Variants in USO1 observed in about 807,000 individuals in gnomAD.
The protein encoded by USO1 is general vesicular transport factor p115.
Under a neutral mutation model 124.5 loss-of-function variants are expected in USO1, and 57 were observed. The observed-to-expected ratio is 0.46, with a 90% CI of 0.37 to 0.57. USO1 has a LOEUF of 0.57. Among genes scored for constraint, USO1 ranks in the 20% least tolerant of loss-of-function variants. USO1 has a pLI of 0.00. For synonymous variants in USO1, 369 were observed against 362.8 expected (o/e 1.02, Z -0.19); for missense variants, 900 against 1,040.6 (o/e 0.86, Z 1.86).
intron 13 of USO1, among the ~76,000 whole-genome samples, chr4:75,794,186 T>C (rs993415888): frequency 1.3e-5 from 2 of 152,238 alleles, no homozygotes; most frequent in Non-Finnish European, 2.9e-5. Flanking sequence ...ACAGTGTTCT[T>C]GCATGTCATT....
intron 1 of USO1, among the ~76,000 whole-genome samples, chr4:75,733,334 G>T (rs1213897481): frequency 6.6e-6 from 1 of 152,184 alleles, no homozygotes; most frequent in African/African-American, 2.4e-5. Context: ...ATACAGTAGT[G>T]AGACTGCTGG....
rs1722384778 is a variant in USO1 at position 75,787,125 on chromosome 4, A to G, written c.919A>G (p.Met307Val). The G allele has an allele frequency of 3.1e-6, 5 of 1,607,898 alleles. No homozygotes were observed. Among genetic ancestry groups the G allele is most frequent in the African/African-American group, 1.3e-5 (1 of 74,330 alleles). The change falls in exon 10 of 24, where the codon ATG becomes GTG. Residue 307 changes from methionine to valine, a missense_variant. By Grantham distance (21) the Met-to-Val change is conservative (BLOSUM62 1). Around this residue, in one of 2 missense-constraint regions of USO1, gnomAD observed 538 missense variants for 681.6 expected, o/e 0.79. Coordinates refer to ENST00000514213, the MANE Select transcript of USO1 (RefSeq NM_003715.4). ...PGATSSCQKA[M>V]FQCGLLQQLC... ...TGCTACCAGTAGCTGCCAGAAGGCT[A>G]TGTTCCAGTGTGGGTTATTGCAGCA...
chr4:75,752,696 T>G (rs1359451681), intron 3 of USO1, 92 bp downstream of exon 3: 1 of 393,274 alleles, frequency 2.5e-6, no homozygotes, highest in Non-Finnish European at 4.5e-6. Flanking sequence ...GCTTTTTTTT[T>G]GGTATTTTTT....
intron 21 of USO1, among the ~76,000 whole-genome samples, chr4:75,810,141 T>C (rs1026220693): frequency 6.6e-6 from 1 of 152,222 alleles, no homozygotes; most frequent in African/African-American, 2.4e-5. Flanking sequence ...TATTAAATGC[T>C]GGGTTACAGT....
intron 3 of USO1, among the ~76,000 whole-genome samples, chr4:75,753,253 G>A (rs1277062064): frequency 1.3e-5 from 2 of 151,120 alleles, no homozygotes; most frequent in Admixed American, 6.6e-5. Context: ...TAAAAATTAG[G>A]CCAGGCATGG....
chr4:75,802,131 T>A (rs1193380269), intron 17 of USO1, among the ~76,000 whole-genome samples: 1 of 152,234 alleles, frequency 6.6e-6, no homozygotes, highest in Admixed American at 6.5e-5. Context: ...CTACTGAGAT[T>A]AAAATTTTAA....
rs1414293852 is a variant in USO1 at position 75,770,512 on chromosome 4, T to G, written c.369T>G (p.Asn123Lys). 1 of 1,593,318 alleles carries G rather than the reference T, an allele frequency of 6.3e-7. No individual in the cohort carries two copies. Among genetic ancestry groups the G allele is most frequent in the Admixed American group, 1.7e-5 (1 of 57,620 alleles). The change falls in exon 5 of 24, where the codon AAT (asparagine) becomes AAG (lysine). Residue 123 changes from asparagine (N) to lysine (K), a missense_variant. Physicochemically the swap from Asn to Lys is moderately conservative, Grantham distance 94 (BLOSUM62 0). This residue lies in a region of USO1 where 538 missense variants were observed against 681.6 expected (regional missense o/e 0.79). Coordinates refer to ENST00000514213, the MANE Select transcript of USO1 (RefSeq NM_003715.4). ...AAATTTTCATTAAGCAGCAGGAAAA[T>G]GTCACTCTTCTGTTATCTTTATTGG... is the stretch of plus-strand genomic sequence containing the variant. ...FTEIFIKQQE[N>K]VTLLLSLLEE...
chr4:75,743,207 G>A (rs533528463), intron 1 of USO1, among the ~76,000 whole-genome samples: 22 of 152,026 alleles, frequency 1.4e-4, no homozygotes, highest in African/African-American at 3.1e-4. Flanking sequence ...GGATGGTCAC[G>A]ATCTCCTGAC....
In USO1 at chr4:75,770,522, C is replaced by A. The variant is rs1721891921; in HGVS notation, c.379C>A (p.Leu127Met). The part of the protein sequence containing the change: ...FIKQQENVTL[L>M]LSLLEEFDFH... ...TAAGCAGCAGGAAAATGTCACTCTT[C>A]TGTTATCTTTATTGGAGGTAAATAG... Residue 127 changes from leucine (L) to methionine (M), a missense_variant, in exon 5 of 24, where the codon CTG (leucine) becomes ATG (methionine). Physicochemically the swap from Leu to Met is conservative, Grantham distance 15. Coordinates refer to ENST00000514213, the MANE Select transcript of USO1 (RefSeq NM_003715.4). The A allele has an allele frequency of 1.3e-6, 2 of 1,586,532 alleles. No individual in the cohort carries two copies. Among genetic ancestry groups the A allele is most frequent in the African/African-American group, 2.7e-5 (2 of 74,288 alleles).
chr4:75,793,154 C>T (rs866020220), intron 12 of USO1, among the ~76,000 whole-genome samples: 1 of 151,122 alleles, frequency 6.6e-6, no homozygotes, highest in South Asian at 2.1e-4. Flanking sequence ...ACTTCTGGTC[C>T]CAAGCATTTT....
chr4:75,811,406 TTGGCCC>T (rs1429367641), intron 22 of USO1, among the ~76,000 whole-genome samples: 1 of 152,136 alleles, frequency 6.6e-6, no homozygotes, highest in East Asian at 1.9e-4. Context: ...TCTGCCCGCA[TTGGCCC>T]CCCCCAAAGT....
At chr4:75,791,477 T>C (rs1722531634) in intron 12 of USO1, among the ~76,000 whole-genome samples, 1 of 152,182 alleles carries the variant, frequency 6.6e-6, no homozygotes, top group Non-Finnish European at 1.5e-5. Flanking sequence ...TGAGCTGAGA[T>C]TGTGCCACTG....
intron 4 of USO1, among the ~76,000 whole-genome samples, chr4:75,758,735 T>A (rs192696440): frequency 2.0e-5 from 3 of 152,254 alleles, no homozygotes; most frequent in Admixed American, 2.0e-4. Context: ...AAAAATTTTT[T>A]AAACAAATTT....
intron 3 of USO1, among the ~76,000 whole-genome samples, chr4:75,754,107 A>G (rs1409001297): frequency 1.5e-5 from 2 of 133,500 alleles, no homozygotes; most frequent in Non-Finnish European, 3.1e-5. Flanking sequence ...TTTCAGATAG[A>G]GTTTCGCTCT....
intron 8 of USO1, 65 bp downstream of exon 8, chr4:75,774,861 GAATA>G: frequency 6.6e-7 from 1 of 1,522,538 alleles, no homozygotes; most frequent in Non-Finnish European, 8.8e-7. Flanking sequence ...AGGGTATAGG[GAATA>G]CAGTTGGAGG....
At chr4:75,782,620 TGGGAG>T in intron 8 of USO1, 55 bp from the exon 9 acceptor site, 1 of 1,495,296 alleles carries the variant, frequency 6.7e-7, no homozygotes. Flanking sequence ...TAAAAATGTT[TGGGAG>T]TTTTGCGTCA....
Position 75,724,638 on chromosome 4 carries a change from G to T in USO1, c.-182G>T. On this transcript the variant is annotated 5_prime_UTR_variant, in exon 1 of 24. Coordinates refer to ENST00000514213, the MANE Select transcript of USO1 (RefSeq NM_003715.4). ...CCACGTCCCCGCGCATGCGCATCTT[G>T]GCCGCTGCTGGCGGCTGTTTCCGGG... 1 of 601,780 alleles carries T rather than the reference G, an allele frequency of 1.7e-6. No homozygotes were observed. Among genetic ancestry groups the T allele is most frequent in the South Asian group, 2.0e-5 (1 of 48,950 alleles). The allele number at this position is 601,780 out of a possible 1,614,324, so 37.3% of individuals were successfully genotyped here.
chr4:75,770,566 T>G, intron 5 of USO1, 27 bp downstream of exon 5: 1 of 1,542,342 alleles, frequency 6.5e-7, no homozygotes, highest in South Asian at 1.2e-5. Flanking sequence ...GATGTTTTTG[T>G]CATCTTAATA....
At chr4:75,725,260 G>C (rs1430547432) in intron 1 of USO1, among the ~76,000 whole-genome samples, 2 of 152,178 alleles carry the variant, frequency 1.3e-5, no homozygotes, top group East Asian at 1.9e-4. Context: ...TCTTTCGCTC[G>C]TCTGCACTGG....
Sources: allele counts gnomAD v4.1 joint callset (sites outside exome capture counted in the v4.1 genomes callset), GRCh38; gene constraint gnomAD v4.1.1; regional missense constraint gnomAD v4.1.1; transcripts MANE v1.5; gene names NCBI Gene and HGNC (gene_info 2026-07-23, HGNC 2026-07-21).